The following TM9SF4 variants were observed in gnomAD, a reference collection of about 807,000 sequenced individuals.
The protein encoded by TM9SF4 is dinucleotide oxidase disulfide thiol exchanger 3 superfamily member 4.
TM9SF4 carries 26 observed loss-of-function variants against 90.4 expected under a neutral mutation model. The observed-to-expected ratio is 0.29, with a 90% confidence interval of 0.21 to 0.40. The LOEUF (loss-of-function observed/expected upper bound fraction) is 0.40. TM9SF4 is among the 10% of genes least tolerant of loss of function. The pLI, the probability that TM9SF4 is intolerant of heterozygous loss-of-function variation, is 1.00. For synonymous variants in TM9SF4, 293 were observed against 315.4 expected (o/e 0.93, Z 0.75); for missense variants, 549 against 834.8 (o/e 0.66, Z 4.22).
Position 32,123,866 on chromosome 20 carries a change from A to ATATATATATATATTT in TM9SF4, c.16-9146_16-9145insATATATATATATTTT. ...CTCTCATATATATATATATATATAT[A>ATATATATATATATTT]TTTTTTTTTTTAAAGAGATAGGGTC... On this transcript the variant is annotated intron_variant, in intron 1 of 17. Coordinates refer to ENST00000398022, the MANE Select transcript of TM9SF4 (RefSeq NM_014742.4). Among the ~76,000 whole-genome samples, 21 of 93,952 alleles carry ATATATATATATATTT rather than the reference A, an allele frequency of 2.2e-4. No individual in the cohort carries two copies. The East Asian group carries it at 4.4e-3, about 20-fold the overall frequency. The allele number at this position is 93,952 out of a possible 152,430, so 61.6% of individuals were successfully genotyped here.
intron 1 of TM9SF4, among the ~76,000 whole-genome samples, chr20:32,125,906 G>A (rs556715225): frequency 5.9e-5 from 9 of 152,014 alleles, no homozygotes; most frequent in African/African-American, 2.2e-4. Context: ...CTGGGCTCAA[G>A]CAATCCACCC....
At chr20:32,123,133 C>T (rs1174655583) in intron 1 of TM9SF4, among the ~76,000 whole-genome samples, 4 of 125,916 alleles carry the variant, frequency 3.2e-5, no homozygotes, top group Non-Finnish European at 6.6e-5. Context: ...AGTCCAGCTT[C>T]GGCTCGGCAT....
intron 8 of TM9SF4, 24 bp from the exon 9 acceptor site, chr20:32,146,761 C>T (rs752573727): frequency 7.4e-6 from 12 of 1,613,328 alleles, no homozygotes; most frequent in Non-Finnish European, 1.0e-5. Flanking sequence ...AACTTCTCCT[C>T]ATCCTCACCG....
intron 1 of TM9SF4, among the ~76,000 whole-genome samples, chr20:32,114,507 A>G (rs1407128587): frequency 6.6e-6 from 1 of 151,940 alleles, no homozygotes; most frequent in Non-Finnish European, 1.5e-5. Context: ...TTTTAATTAT[A>G]TTTTTCTTAG....
At chr20:32,131,731 G>A (rs1000785668) in intron 1 of TM9SF4, among the ~76,000 whole-genome samples, 15 of 152,200 alleles carry the variant, frequency 9.9e-5, no homozygotes, top group Non-Finnish European at 1.5e-5. Flanking sequence ...TTCAGACTGC[G>A]TAGAAAGAAG....
At chr20:32,156,559 T>C (rs1451196885) in intron 13 of TM9SF4, among the ~76,000 whole-genome samples, 6 of 152,248 alleles carry the variant, frequency 3.9e-5, no homozygotes, top group African/African-American at 1.4e-4. Context: ...GTAAATGCTA[T>C]GTAAATAGTT....
At chr20:32,110,084 T>G (rs2122289876) in intron 1 of TM9SF4, 1 of 1,221,802 alleles carries the variant, frequency 8.2e-7, no homozygotes, top group South Asian at 2.1e-5. Context: ...CTGACCCCTC[T>G]GAAGACCCCC....
intron 1 of TM9SF4, among the ~76,000 whole-genome samples, chr20:32,123,199 GGGGGGAGGGGGA>G (rs2046357933): frequency 3.4e-4 from 3 of 8,810 alleles, no homozygotes; most frequent in African/African-American, 1.0e-3. Flanking sequence ...GAGAGGGGGA[GGGGGGAGGGGGA>G]GGGGGGAGGG....
chr20:32,115,239 G>T (rs1047223732), intron 1 of TM9SF4, among the ~76,000 whole-genome samples: 4 of 152,174 alleles, frequency 2.6e-5, no homozygotes, highest in Non-Finnish European at 4.4e-5. Context: ...TACAGAGGAG[G>T]TTGGGATCAC....
chr20:32,116,862 C>CTTTTTT (rs201365030), intron 1 of TM9SF4, among the ~76,000 whole-genome samples: 362 of 95,888 alleles, frequency 3.8e-3, no homozygotes, highest in Non-Finnish European at 5.4e-3. Flanking sequence ...TTTCCTTTTT[C>CTTTTTT]TTTTTTTTTT....
chr20:32,149,833 A>C, intron 10 of TM9SF4, 67 bp downstream of exon 10: 6 of 1,592,180 alleles, frequency 3.8e-6, no homozygotes, highest in Non-Finnish European at 5.1e-6. Context: ...CAAGGAGAGA[A>C]GGGTGGGCTT....
At chr20:32,143,937 T>C (rs6061186) in intron 6 of TM9SF4, among the ~76,000 whole-genome samples, 63,670 of 150,430 alleles carry the variant, frequency 0.42, 13,740 homozygotes, top group East Asian at 0.76. Context: ...CTCCTTTTCT[T>C]ACCATTTTAT....
At position 32,143,081 on chromosome 20, in the gene TM9SF4, A is replaced by AT; in HGVS notation, c.630dup (p.Pro211SerfsTer13). On this transcript the variant is annotated frameshift_variant, in exon 6 of 18. Transcript: ENST00000398022. LOFTEE classifies it high-confidence loss of function. ...GTACCGTGTCGTCCGCTTCGAGGTG[A>AT]TTCCCCAGAGCATCAGGCTGGAGGG... is the stretch of plus-strand genomic sequence containing the variant. 6.2e-7 allele frequency: 1 copy of AT among 1,613,652 alleles called. No homozygotes were observed. The highest frequency in any genetic ancestry group is 8.5e-7 in the Non-Finnish European group (1 of 1,179,688).
chr20:32,137,916 G>T (rs1276041708), intron 3 of TM9SF4, among the ~76,000 whole-genome samples: 2 of 152,180 alleles, frequency 1.3e-5, no homozygotes, highest in Non-Finnish European at 2.9e-5. Flanking sequence ...CACTCACCTA[G>T]TAAGTGACGG....
At chr20:32,117,831 A>G (rs1237144289) in intron 1 of TM9SF4, among the ~76,000 whole-genome samples, 1 of 152,138 alleles carries the variant, frequency 6.6e-6, no homozygotes, top group East Asian at 1.9e-4. Context: ...TTGGAAACCA[A>G]GTAGCAAAAG....
intron 2 of TM9SF4, among the ~76,000 whole-genome samples, chr20:32,134,060 T>A (rs1242404717): frequency 6.6e-6 from 1 of 151,708 alleles, no homozygotes; most frequent in Non-Finnish European, 1.5e-5. Flanking sequence ...ACAGTTCTCA[T>A]GCTTCAGCCT....
intron 1 of TM9SF4, among the ~76,000 whole-genome samples, chr20:32,131,196 A>G (rs756924360): frequency 6.6e-6 from 1 of 152,202 alleles, no homozygotes; most frequent in African/African-American, 2.4e-5. Context: ...CACTGTGTTT[A>G]CTGGAGTCAG....
Position 32,165,553 on chromosome 20 carries a change from C to A in TM9SF4, c.*109C>A. 1 of 1,337,312 alleles carries A rather than the reference C, an allele frequency of 7.5e-7. No individual in the cohort carries two copies. Among genetic ancestry groups the A allele is most frequent in the Non-Finnish European group, 1.0e-6 (1 of 961,804 alleles). 82.8% of individuals were successfully genotyped at this position (1,337,312 alleles called of 1,614,324 possible). On this transcript the variant is annotated 3_prime_UTR_variant, in exon 18 of 18. Coordinates refer to ENST00000398022, the MANE Select transcript of TM9SF4 (RefSeq NM_014742.4). ...TAACTCCTGCTCGTTTGGAATGTAA[C>A]TCCTGGCACAGTGTTCCTGGATCCT...
At chr20:32,160,798 AAGTT>A (rs1343155067) in intron 16 of TM9SF4, among the ~76,000 whole-genome samples, 4 of 151,554 alleles carry the variant, frequency 2.6e-5, no homozygotes, top group Admixed American at 6.6e-5. Flanking sequence ...AAAATACAAA[AAGTT>A]AGCCGGGTGT....
Sources: allele counts gnomAD v4.1 joint callset (sites outside exome capture counted in the v4.1 genomes callset), GRCh38; gene constraint gnomAD v4.1.1; transcripts MANE v1.5; gene names NCBI Gene and HGNC (gene_info 2026-07-23, HGNC 2026-07-21).